Variants in PSD3 observed in about 807,000 individuals in gnomAD.
PSD3 encodes PH and SEC7 domain-containing protein 3.
PSD3 carries 49 observed loss-of-function variants against 105.5 expected under a neutral mutation model. The observed-to-expected ratio is 0.46, with a 90% CI of 0.37 to 0.59. The LOEUF is 0.59. Ranked by LOEUF, PSD3 falls within the 20% of genes least tolerant of loss-of-function variation. The pLI, the probability that PSD3 is intolerant of heterozygous loss-of-function variation, is 0.00. For missense variants in PSD3, 1,561 were observed against 1,263.8 expected (o/e 1.24, Z -3.57); for synonymous variants, 557 against 457.8 (o/e 1.22, Z -2.77).
chr8:18,966,711 GC>G (rs1824274989), intron 1 of PSD3, among the ~76,000 whole-genome samples: 1 of 152,072 alleles, frequency 6.6e-6, no homozygotes, highest in Admixed American at 6.6e-5. Context: ...AAACCAGTGT[GC>G]CCCAGGAGGA....
intron 4 of PSD3, among the ~76,000 whole-genome samples, chr8:18,807,100 T>G (rs1187555613): frequency 6.6e-6 from 1 of 152,224 alleles, no homozygotes; most frequent in Non-Finnish European, 1.5e-5. Flanking sequence ...TAAACTTACA[T>G]CACGAAATGA....
At chr8:18,752,556 T>TATATATATTATATATATAATATATATAA (rs1406258656) in intron 9 of PSD3, among the ~76,000 whole-genome samples, 2 of 19,538 alleles carry the variant, frequency 1.0e-4, no homozygotes, top group African/African-American at 3.4e-4. Flanking sequence ...TTATATATAA[T>TATATATATTATATATATAATATATATAA]TATATATATT....
intron 9 of PSD3, among the ~76,000 whole-genome samples, chr8:18,759,369 C>A (rs761056653): frequency 6.6e-6 from 1 of 152,076 alleles, no homozygotes; most frequent in Non-Finnish European, 1.5e-5. Flanking sequence ...CTTAGACCTA[C>A]TTGTGTATTT....
chr8:18,624,125 C>T (rs567256708), intron 11 of PSD3, among the ~76,000 whole-genome samples: 2 of 152,204 alleles, frequency 1.3e-5, no homozygotes, highest in African/African-American at 4.8e-5. Context: ...TAGGTGTATA[C>T]ACCCTTATGA....
intron 6 of PSD3, chr8:18,803,150 G>C: frequency 4.3e-6 from 1 of 231,888 alleles, no homozygotes. Flanking sequence ...AGCCAGGTGT[G>C]GTGGTGCGTA....
At chr8:18,721,134 G>A (rs1563198427) in intron 9 of PSD3, 1 of 152,062 alleles carries the variant, frequency 6.6e-6, no homozygotes, top group Admixed American at 6.6e-5. Context: ...AGTGATTCAT[G>A]TCATCGCCAT....
At chr8:18,770,962 G>A (rs905807834) in intron 8 of PSD3, among the ~76,000 whole-genome samples, 2 of 152,178 alleles carry the variant, frequency 1.3e-5, no homozygotes, top group African/African-American at 2.4e-5. Flanking sequence ...GCAGGAAGGG[G>A]AGCTGAAAAG....
chr8:18,706,103 G>A (rs1202729629), intron 9 of PSD3, among the ~76,000 whole-genome samples: 6 of 152,090 alleles, frequency 3.9e-5, no homozygotes, highest in African/African-American at 1.4e-4. Flanking sequence ...TTCCACCACA[G>A]GAAGGGCTTG....
chr8:18,698,609 C>T (rs1801397357), intron 9 of PSD3, among the ~76,000 whole-genome samples: 1 of 152,132 alleles, frequency 6.6e-6, no homozygotes, highest in African/African-American at 2.4e-5. Flanking sequence ...ACAGCCCTGC[C>T]AACCCATTTT....
chr8:19,084,040 C>A (rs1452413328), intron 1 of PSD3, among the ~76,000 whole-genome samples: 3 of 152,200 alleles, frequency 2.0e-5, no homozygotes, highest in African/African-American at 7.2e-5. Context: ...GAGGACAGAG[C>A]AAATGCCAGG....
Position 19,071,356 on chromosome 8 carries a change from G to A in PSD3, c.324+12850C>T, listed in dbSNP as rs534036707. ...CTTTTTTTATTCTTTATTTCTTAAT[G>A]AATTACTGTAGGTACATAATAATCA... is the stretch of plus-strand genomic sequence containing the variant. On this transcript the variant is annotated intron_variant, in intron 1 of 1. Coordinates refer to the PSD3 transcript ENST00000521475. Among the ~76,000 whole-genome samples the A allele has an allele frequency of 1.6e-4, 25 of 152,022 alleles. No homozygotes were observed. The South Asian group carries it at 5.2e-3, about 32-fold the overall frequency.
chr8:19,030,307 T>C lies in PSD3; in HGVS notation c.324+53899A>G, dbSNP rs553016927. Among the ~76,000 whole-genome samples, 16 of 152,350 alleles carry C rather than the reference T, an allele frequency of 1.1e-4. No homozygotes were observed. The South Asian group carries it at 3.3e-3, about 32-fold the overall frequency. Reference sequence around the variant, plus strand: ...CAAATGTTAAACCAAATTTACATCTTGAGATAAACCCTATTTGATCATAAT... The same window carrying C: ...CAAATGTTAAACCAAATTTACATCTCGAGATAAACCCTATTTGATCATAAT... On this transcript the variant is annotated intron_variant, in intron 1 of 1. Transcript: ENST00000521475.
intron 4 of PSD3, among the ~76,000 whole-genome samples, chr8:18,844,451 T>G (rs1422826314): frequency 2.0e-5 from 3 of 152,298 alleles, no homozygotes; most frequent in Non-Finnish European, 2.9e-5. Context: ...AGGTCTTACA[T>G]GGAAACAACT....
At chr8:18,659,438 G>A (rs1809158073) in intron 9 of PSD3, among the ~76,000 whole-genome samples, 1 of 152,144 alleles carries the variant, frequency 6.6e-6, no homozygotes, top group African/African-American at 2.4e-5. Flanking sequence ...TTATACGGAT[G>A]AGGAAATGAA....
intron 10 of PSD3, among the ~76,000 whole-genome samples, chr8:18,648,351 A>C (rs967656839): frequency 1.5e-4 from 23 of 152,206 alleles, no homozygotes; most frequent in Middle Eastern, 3.2e-3. Flanking sequence ...TGGGAACTAA[A>C]GCAAAGGTTA....
chr8:18,675,681 G>A (rs374095272), intron 9 of PSD3, among the ~76,000 whole-genome samples: 7 of 152,026 alleles, frequency 4.6e-5, no homozygotes, highest in Non-Finnish European at 1.5e-5. Flanking sequence ...ATGTACCATC[G>A]GAACATGGTA....
At chr8:18,831,635 T>C (rs545151306) in intron 4 of PSD3, among the ~76,000 whole-genome samples, 5 of 152,228 alleles carry the variant, frequency 3.3e-5, no homozygotes, top group African/African-American at 9.6e-5. Flanking sequence ...GGAAGGAGAA[T>C]TGCTTGAACT....
At chr8:18,581,505 AAC>A (rs1274453184) in intron 12 of PSD3, among the ~76,000 whole-genome samples, 1 of 152,198 alleles carries the variant, frequency 6.6e-6, no homozygotes, top group African/African-American at 2.4e-5. Context: ...TGGACTCTGG[AAC>A]AGTTTTGAAA....
chr8:18,753,302 C>T (rs1318312241), intron 9 of PSD3, among the ~76,000 whole-genome samples: 1 of 151,134 alleles, frequency 6.6e-6, no homozygotes, highest in Admixed American at 6.6e-5. Context: ...TGCAGTGAGC[C>T]GAGATCATGC....
Sources: gnomAD v4.1 joint callset for allele counts (sites outside exome capture counted in the v4.1 genomes callset) on GRCh38, gnomAD v4.1.1 for gene constraint, MANE v1.5 for transcripts, NCBI Gene and HGNC (gene_info 2026-07-23, HGNC 2026-07-21) for gene names.